Variants in STAG1 observed in about 807,000 individuals in gnomAD.
The protein encoded by STAG1 is STAG1 cohesin complex component, also known as cohesin subunit SA-1.
In STAG1, 26 loss-of-function variants were observed where a neutral mutation model predicts 170.9. That is an observed-to-expected ratio of 0.15 (90% CI 0.11 to 0.21). The LOEUF is 0.21. STAG1 is among the 10% of genes least tolerant of loss of function. STAG1 has a pLI of 1.00. For synonymous variants in STAG1, 514 were observed against 497.7 expected (o/e 1.03, Z -0.44); for missense variants, 964 against 1,509.5 (o/e 0.64, Z 5.99).
At position 136,369,143 on chromosome 3, in the gene STAG1, A is replaced by C; in HGVS notation, c.2510T>G (p.Val837Gly). The C allele has an allele frequency of 6.3e-7, 1 of 1,584,378 alleles. No homozygotes were observed. ...SELLSFVMDH[V>G]FIDQDEENQS... ...GTTCTCCTCGTCTTGGTCAATAAAAACGTGATCCATCACAAAACTGAGGAG... is the reference window on the plus strand; with the variant it reads ...GTTCTCCTCGTCTTGGTCAATAAAACCGTGATCCATCACAAAACTGAGGAG... Residue 837 changes from valine to glycine, a missense_variant, in exon 24 of 34, where the codon GTT becomes GGT. Coordinates refer to ENST00000383202, the MANE Select transcript of STAG1 (RefSeq NM_005862.3).
chr3:136,599,074 A>G, intron 4 of STAG1, among the ~76,000 whole-genome samples: 1 of 152,196 alleles, frequency 6.6e-6, no homozygotes, highest in South Asian at 2.1e-4. Flanking sequence ...CAGCAATCCC[A>G]TTAACAGGTA....
intron 2 of STAG1, among the ~76,000 whole-genome samples, chr3:136,630,264 C>T (rs759095007): frequency 1.3e-5 from 2 of 152,054 alleles, no homozygotes; most frequent in African/African-American, 4.8e-5. Context: ...TCTAATGGGA[C>T]GCCATCAAAA....
chr3:136,494,310 A>G (rs1191918802), intron 9 of STAG1, among the ~76,000 whole-genome samples: 1 of 152,156 alleles, frequency 6.6e-6, no homozygotes, highest in African/African-American at 2.4e-5. Flanking sequence ...AAACTTAAAA[A>G]AATTCAGGAT....
At chr3:136,631,604 G>C (rs1422483172) in intron 1 of STAG1, among the ~76,000 whole-genome samples, 3 of 152,188 alleles carry the variant, frequency 2.0e-5, no homozygotes, top group African/African-American at 7.2e-5. Context: ...GATAAAAAAT[G>C]TTCTCTCGTG....
intron 1 of STAG1, among the ~76,000 whole-genome samples, chr3:136,673,662 T>G (rs998699880): frequency 6.6e-6 from 1 of 151,862 alleles, no homozygotes; most frequent in African/African-American, 2.4e-5. Context: ...AACAGAAAAA[T>G]TTTTCACCTC....
intron 23 of STAG1, among the ~76,000 whole-genome samples, chr3:136,377,141 T>G (rs1035997451): frequency 2.4e-4 from 35 of 148,200 alleles, no homozygotes; most frequent in African/African-American, 7.6e-4. Flanking sequence ...GGCTCACGCC[T>G]GTAATCTCAG....
In STAG1 at chr3:136,469,113, CAT is replaced by C. The variant is rs1178706636; in HGVS notation, c.1205+3298_1205+3299del. ...GCCCTCTCTCACCACTCCTATTCAA[CAT>C]AGTGTTGGAAGTTCTGGCCAGGGCA... On this transcript the variant is annotated intron_variant, in intron 12 of 33. Coordinates refer to ENST00000383202, the MANE Select transcript of STAG1 (RefSeq NM_005862.3). Among the ~76,000 whole-genome samples the C allele has an allele frequency of 3.9e-5, 6 of 152,212 alleles. No homozygotes were observed. The East Asian group carries it at 1.2e-3, about 29-fold the overall frequency.
chr3:136,549,312 CT>C (rs35410506), intron 5 of STAG1, among the ~76,000 whole-genome samples: 24 of 148,326 alleles, frequency 1.6e-4, no homozygotes, highest in East Asian at 5.9e-4. Flanking sequence ...ATCAGTTTTC[CT>C]TTTTTTTTTC....
intron 4 of STAG1, among the ~76,000 whole-genome samples, chr3:136,600,875 G>C (rs1559902141): frequency 1.4e-5 from 1 of 70,680 alleles, no homozygotes; most frequent in Non-Finnish European, 2.6e-5. Context: ...TGTTTGTTTT[G>C]TTTTGTTTTG....
chr3:136,476,816 T>C (rs1032790933), intron 10 of STAG1, among the ~76,000 whole-genome samples: 5 of 152,158 alleles, frequency 3.3e-5, no homozygotes, highest in African/African-American at 1.2e-4. Flanking sequence ...TCAGGATTAC[T>C]TATATGAGGG....
intron 2 of STAG1, among the ~76,000 whole-genome samples, chr3:136,630,125 G>A (rs1187361453): frequency 6.6e-6 from 1 of 152,064 alleles, no homozygotes; most frequent in African/African-American, 2.4e-5. Flanking sequence ...AACCCGGAAG[G>A]CAGAGGTAGC....
intron 1 of STAG1, among the ~76,000 whole-genome samples, chr3:136,640,138 T>G (rs1365303669): frequency 6.6e-6 from 1 of 152,160 alleles, no homozygotes; most frequent in Non-Finnish European, 1.5e-5. Flanking sequence ...CTTAATAAAT[T>G]CTATGGCTAA....
chr3:136,719,331 T>C (rs1287116074), intron 1 of STAG1, among the ~76,000 whole-genome samples: 2 of 152,124 alleles, frequency 1.3e-5, no homozygotes, highest in East Asian at 1.9e-4. Flanking sequence ...AGAAAATAGA[T>C]TAGTAGTACC....
intron 6 of STAG1, among the ~76,000 whole-genome samples, chr3:136,533,076 A>C (rs1229342300): frequency 1.3e-5 from 2 of 152,148 alleles, no homozygotes. Flanking sequence ...AGCGCTTTAC[A>C]TTTTTTCAAC....
chr3:136,743,491 G>A (rs1934784421), intron 1 of STAG1, among the ~76,000 whole-genome samples: 1 of 151,816 alleles, frequency 6.6e-6, no homozygotes, highest in African/African-American at 2.4e-5. Context: ...TAAGTAAAAT[G>A]AACCAATTTC....
chr3:136,578,718 C>G (rs1559889151), intron 4 of STAG1, among the ~76,000 whole-genome samples: 1 of 152,156 alleles, frequency 6.6e-6, no homozygotes, highest in East Asian at 1.9e-4. Flanking sequence ...TGCAGTCCAC[C>G]AGTTAAATCA....
chr3:136,463,772 C>CGTGTGT (rs1559817414), intron 13 of STAG1, among the ~76,000 whole-genome samples: 6 of 108,194 alleles, frequency 5.5e-5, no homozygotes, highest in African/African-American at 2.3e-4. Flanking sequence ...TGTGTGTATA[C>CGTGTGT]ACACACACAC....
chr3:136,547,716 T>C (rs565833005), intron 5 of STAG1, among the ~76,000 whole-genome samples: 1 of 152,362 alleles, frequency 6.6e-6, no homozygotes, highest in Admixed American at 6.5e-5. Context: ...ATGTATATAC[T>C]GCATTTTATT....
intron 7 of STAG1, among the ~76,000 whole-genome samples, chr3:136,518,795 TAC>T: frequency 6.6e-6 from 1 of 152,234 alleles, no homozygotes; most frequent in Admixed American, 6.5e-5. Context: ...TTAAATAGGC[TAC>T]ATGATGATAC....
Sources: allele counts gnomAD v4.1 joint callset (sites outside exome capture counted in the v4.1 genomes callset), GRCh38; gene constraint gnomAD v4.1.1; transcripts MANE v1.5; gene names NCBI Gene and HGNC (gene_info 2026-07-23, HGNC 2026-07-21).